CAVIN3: variants seen among roughly 807,000 people sequenced by gnomAD.
The protein encoded by CAVIN3 is caveolae-associated protein 3.
In CAVIN3, 11 loss-of-function variants were observed where a neutral mutation model predicts 8.2. That is an observed-to-expected ratio of 1.35 (90% CI 0.85 to 2.23). The LOEUF is 2.23. Ranked by LOEUF, CAVIN3 falls within the 30% of genes most tolerant of loss-of-function variation. The pLI is 0.00. For synonymous variants in CAVIN3, 191 were observed against 166.3 expected (o/e 1.15, Z -1.14); for missense variants, 401 against 359.5 (o/e 1.12, Z -0.93).
rs1846817793 is a variant in CAVIN3, at chr11:6,320,335, G to C, written c.142C>G (p.Arg48Gly). Residue 48 changes from arginine to glycine, a missense_variant, in exon 1 of 2, where the codon CGA (arginine) becomes GGA (glycine). Physicochemically the swap from Arg to Gly is moderately radical, Grantham distance 125. Transcript: ENST00000303927. ...TLRERQGGLA[R>G]RQGGLAGSVR... ...GACCCTGCCAGGCCTCCCTGCCTTC[G>C]AGCCAGGCCTCCCTGCCGCTCCCGC... is the stretch of plus-strand genomic sequence containing the variant. The C allele has an allele frequency of 6.4e-7, 1 of 1,566,500 alleles. No homozygotes were observed. The highest frequency in any genetic ancestry group is 8.6e-7 in the Non-Finnish European group (1 of 1,165,188).
chr11:6,320,416 G>T lies in CAVIN3; in HGVS notation c.61C>A (p.His21Asn). Residue 21 changes from histidine (H) to asparagine (N), a missense_variant, in exon 1 of 2, where the codon CAC (histidine) becomes AAC (asparagine). Transcript: ENST00000303927. ...AGCAGGGTCACCACCGTCACGGCGTGCACGGGACCCCCCGCCGGCGCCTCG... is the reference window on the plus strand; with the variant it reads ...AGCAGGGTCACCACCGTCACGGCGTTCACGGGACCCCCCGCCGGCGCCTCG... ...VPEAPAGGPV[H>N]AVTVVTLLEK... is the part of the protein sequence containing the mutation. The T allele has an allele frequency of 6.4e-7, 1 of 1,562,414 alleles. No homozygotes were observed.
Position 6,319,493 on chromosome 11 carries a change from C to G in CAVIN3, c.456G>C (p.Glu152Asp). The G allele has an allele frequency of 1.9e-6, 3 of 1,602,886 alleles. No individual in the cohort carries two copies. Among genetic ancestry groups the G allele is most frequent in the Non-Finnish European group, 2.5e-6 (3 of 1,177,562 alleles). ...PEPLGPADQS[E>D]LGPEQLEAEV... ...CGGCCTCCAGCTGCTCTGGGCCCAG[C>G]TCGGACTGGTCCGCCGGGCCCAAGG... is the stretch of plus-strand genomic sequence containing the variant. The change falls in exon 2 of 2, where the codon GAG becomes GAC. Residue 152 changes from glutamate (E) to aspartate (D), a missense_variant. Coordinates refer to ENST00000303927, the MANE Select transcript of CAVIN3 (RefSeq NM_145040.3).
intron 1 of CAVIN3, 82 bp downstream of exon 1, chr11:6,320,011 G>A: frequency 1.4e-6 from 2 of 1,407,404 alleles, no homozygotes; most frequent in South Asian, 1.4e-5. Context: ...GGTGTGGTAG[G>A]TGGATGGAAG....
At position 6,319,584 on chromosome 11, in the gene CAVIN3, C is replaced by A; in HGVS notation, c.385-20G>T. On this transcript the variant is annotated intron_variant, in intron 1 of 1. Coordinates refer to ENST00000303927, the MANE Select transcript of CAVIN3 (RefSeq NM_145040.3). ...CTCCTCCTGCATGTGACGGACACAG[C>A]ACTGATCCTGGCAGCTCCTTACCCC... The A allele has an allele frequency of 6.4e-7, 1 of 1,555,722 alleles. No individual in the cohort carries two copies. Among genetic ancestry groups the A allele is most frequent in the Admixed American group, 1.9e-5 (1 of 53,238 alleles).
chr11:6,320,115 T>G lies in CAVIN3; in HGVS notation c.362A>C (p.Lys121Thr), dbSNP rs764355494. 1 of 1,589,528 alleles carries G rather than the reference T, an allele frequency of 6.3e-7. No individual in the cohort carries two copies. Among genetic ancestry groups the G allele is most frequent in the Non-Finnish European group, 8.5e-7 (1 of 1,176,236 alleles). The change falls in exon 1 of 2, where the codon AAG (lysine) becomes ACG (threonine). Residue 121 changes from lysine to threonine, a missense_variant. By Grantham distance (78) the Lys-to-Thr change is moderately conservative (BLOSUM62 -1). Transcript: ENST00000303927. ...ANHGLLVARG[K>T]LHVLLFKEEG... ...GACCTTGAAGAGCAGAACGTGGAGC[T>G]TCCCGCGCGCCACCAGCAGCCCGTG...
At position 6,319,385 on chromosome 11, in the gene CAVIN3, G is replaced by A. The variant is rs754661198; in HGVS notation, c.564C>T (p.Ser188=). The change falls in exon 2 of 2, where the codon AGC becomes AGT. Residue 188 remains serine (S), a synonymous_variant. Transcript: ENST00000303927. ...TCCGGCCCGAAAGGGCCCTTCGGAG[G>A]CTCTGTACCTTCTGCAATCCGGTGC... ...LRRTGLQKVQ[S]LRRALSGRKG... The A allele has an allele frequency of 1.9e-6, 3 of 1,608,902 alleles. No homozygotes were observed. The highest frequency in any genetic ancestry group is 4.5e-5 in the East Asian group (2 of 44,858).
At chr11:6,319,913 G>C in intron 1 of CAVIN3, 180 bp downstream of exon 1, 3 of 755,050 alleles carry the variant, frequency 4.0e-6, no homozygotes, top group South Asian at 1.8e-5. Context: ...AGGCGTGAGA[G>C]GGAGGGATGG....
rs1846775678 is a variant in CAVIN3 at position 6,319,392 on chromosome 11, ACCTTCTGCAATC to A, written c.545_556del (p.Gly182_Lys185del). The stretch of plus-strand genomic sequence containing the variant: ...CGAAAGGGCCCTTCGGAGGCTCTGT[ACCTTCTGCAATC>A]CGGTGCGCCGCAGCCGCTGGGCCCT... On this transcript the variant is annotated inframe_deletion, in exon 2 of 2. Transcript: ENST00000303927. 6.2e-7 allele frequency: 1 copy of A among 1,610,130 alleles called. No homozygotes were observed. Among genetic ancestry groups the A allele is most frequent in the African/African-American group, 1.3e-5 (1 of 74,824 alleles).
chr11:6,320,221 C>G lies in CAVIN3; in HGVS notation c.256G>C (p.Glu86Gln). Reference sequence around the variant, plus strand: ...GCGTTGGCGTGCGAGCTCACGCGCTCCGCCTTGGCCAGCAGCTGCGCCAAG... The same window carrying G: ...GCGTTGGCGTGCGAGCTCACGCGCTGCGCCTTGGCCAGCAGCTGCGCCAAG... ...NTLAQLLAKA[E>Q]RVSSHANAAQ... is the part of the protein sequence containing the mutation. Residue 86 changes from glutamate (E) to glutamine (Q), a missense_variant, in exon 1 of 2, where the codon GAG becomes CAG. Glu to Gln is a conservative substitution (Grantham distance 29). Coordinates refer to ENST00000303927, the MANE Select transcript of CAVIN3 (RefSeq NM_145040.3). 6.4e-7 allele frequency: 1 copy of G among 1,563,410 alleles called. No individual in the cohort carries two copies. Among genetic ancestry groups the G allele is most frequent in the African/African-American group, 1.4e-5 (1 of 73,884 alleles).
Position 6,320,094 on chromosome 11 carries a change from T to G in CAVIN3, c.383A>C (p.Lys128Thr). The G allele has an allele frequency of 6.3e-7, 1 of 1,588,360 alleles. No homozygotes were observed. The highest frequency in any genetic ancestry group is 8.5e-7 in the Non-Finnish European group (1 of 1,175,648). The part of the protein sequence containing the change: ...ARGKLHVLLF[K>T]EEGEVPASAF... ...TGGGGACCGTTTGAGGTCACTGACC[T>G]TGAAGAGCAGAACGTGGAGCTTCCC... is the stretch of plus-strand genomic sequence containing the variant. The change falls in exon 1 of 2, where the codon AAG becomes ACG. Residue 128 changes from lysine (K) to threonine (T), a missense_variant and splice_region_variant. By Grantham distance (78) the Lys-to-Thr change is moderately conservative. Transcript: ENST00000303927.
At chr11:6,319,861 T>C in intron 1 of CAVIN3, 1 of 672,668 alleles carries the variant, frequency 1.5e-6, no homozygotes, top group Non-Finnish European at 2.5e-6. Context: ...GGACGTGGCC[T>C]GAGCTAGAGC....
At position 6,319,055 on chromosome 11, in the gene CAVIN3, C is replaced by T. The variant is rs2133932656; in HGVS notation, c.*108G>A. On this transcript the variant is annotated 3_prime_UTR_variant, in exon 2 of 2. Coordinates refer to ENST00000303927, the MANE Select transcript of CAVIN3 (RefSeq NM_145040.3). ...AAGGAAGGGAGGGCCAGAGCGCCCG[C>T]CTTGGTGGATGTAGGATTCGCTCCT... 1 of 1,228,332 alleles carries T rather than the reference C, an allele frequency of 8.1e-7. No individual in the cohort carries two copies. The highest frequency in any genetic ancestry group is 2.6e-5 in the East Asian group (1 of 39,036). 76.1% of individuals were successfully genotyped at this position (1,228,332 alleles called of 1,614,324 possible).
chr11:6,319,563 T>A lies in CAVIN3; in HGVS notation c.386A>T (p.Glu129Val). ...RGKLHVLLFK[E>V]EGEVPASAFQ... ...AGCGCTGGCTGGGACTTCACCCTCC[T>A]CCTGCATGTGACGGACACAGCACTG... Residue 129 changes from glutamate (E) to valine (V), a missense_variant and splice_region_variant, in exon 2 of 2, where the codon GAG becomes GTG. Coordinates refer to ENST00000303927, the MANE Select transcript of CAVIN3 (RefSeq NM_145040.3). The A allele has an allele frequency of 6.4e-7, 1 of 1,570,336 alleles. No individual in the cohort carries two copies. Among genetic ancestry groups the A allele is most frequent in the East Asian group, 2.3e-5 (1 of 43,120 alleles).
intron 1 of CAVIN3, 182 bp from the exon 2 acceptor site, chr11:6,319,746 G>A (rs1265310568): frequency 3.9e-6 from 3 of 760,238 alleles, no homozygotes; most frequent in Non-Finnish European, 6.8e-6. Context: ...TGTAAAGTAG[G>A]TGAGGCCTGG....
rs1051384454 is a variant in CAVIN3, at chr11:6,319,832, G to C, written c.384+261C>G. 35 of 663,136 alleles carry C rather than the reference G, an allele frequency of 5.3e-5. No homozygotes were observed. The African/African-American group carries it at 5.9e-4, about 11-fold the overall frequency. 41.1% of individuals were successfully genotyped at this position (663,136 alleles called of 1,614,324 possible). A position where few individuals can be genotyped will look rare whatever the true frequency, so the allele number is the denominator to read the frequency against. On this transcript the variant is annotated intron_variant, in intron 1 of 1. Coordinates refer to ENST00000303927, the MANE Select transcript of CAVIN3 (RefSeq NM_145040.3). Reference sequence around the variant, plus strand: ...CACCGTTATTTTAGGGATTGGCTGGGACTCAGACCAAATTCTGCGGACGTG... The same window carrying C: ...CACCGTTATTTTAGGGATTGGCTGGCACTCAGACCAAATTCTGCGGACGTG...
In CAVIN3 at chr11:6,320,363, A is replaced by C. The variant is rs190379115; in HGVS notation, c.114T>G (p.Thr38=). 4,055 of 1,585,264 alleles carry C rather than the reference A, an allele frequency of 2.6e-3. 92 individuals are homozygous for C. In the African/African-American group the frequency reaches 0.047, roughly 18 times the overall value. The change falls in exon 1 of 2, where the codon ACT becomes ACG. Residue 38 remains threonine (T), a synonymous_variant. Coordinates refer to ENST00000303927, the MANE Select transcript of CAVIN3 (RefSeq NM_145040.3). The part of the protein sequence containing the change: ...LLEKLASMLE[T]LRERQGGLAR... ...CCAGGCCTCCCTGCCGCTCCCGCAG[A>C]GTCTCCAGCATGGAGGCCAGCTTCT...
In CAVIN3 at chr11:6,319,172, A is replaced by C. The variant is rs368476656; in HGVS notation, c.777T>G (p.Ser259Arg). The C allele has an allele frequency of 2.8e-5, 42 of 1,527,272 alleles. No individual in the cohort carries two copies. The highest frequency in any genetic ancestry group is 3.4e-5 in the Non-Finnish European group (39 of 1,140,748). The allele number at this position is 1,527,272 out of a possible 1,614,324, so 94.6% of individuals were successfully genotyped here. Residue 259 changes from serine to arginine, a missense_variant, in exon 2 of 2, where the codon AGT becomes AGG. Ser to Arg is a moderately radical substitution (Grantham distance 110). Coordinates refer to ENST00000303927, the MANE Select transcript of CAVIN3 (RefSeq NM_145040.3). ...CAGGCAACACCAGCCCTCAGGCTAC[A>C]CTCTCCATTTGGAGCAGAGCTTCTT... ...AAEEALLQMESVA is the reference protein window; with the variant it reads ...AAEEALLQMERVA
intron 1 of CAVIN3, 96 bp downstream of exon 1, chr11:6,319,979 GGCGGGAGGGGTCAGGAAT>G (rs1564900386): frequency 1.7e-6 from 2 of 1,158,740 alleles, no homozygotes; most frequent in African/African-American, 3.1e-5. Context: ...AGCAACAGAC[GGCGGGAGGGGTCAGGAAT>G]GTGGGTGTGG....
chr11:6,320,433 G>C lies in CAVIN3; in HGVS notation c.44C>G (p.Pro15Arg), dbSNP rs920358437. ...ALERGPVPEA[P>R]AGGPVHAVTV... is the part of the protein sequence containing the mutation. ...CACGGCGTGCACGGGACCCCCCGCC[G>C]GCGCCTCGGGCACAGGCCCCCGCTC... The change falls in exon 1 of 2, where the codon CCG becomes CGG. Residue 15 changes from proline to arginine, a missense_variant. Pro to Arg is a moderately radical substitution (Grantham distance 103). Transcript: ENST00000303927. 2 of 1,548,018 alleles carry C rather than the reference G, an allele frequency of 1.3e-6. No individual in the cohort carries two copies. Among genetic ancestry groups the C allele is most frequent in the Non-Finnish European group, 1.7e-6 (2 of 1,154,334 alleles).
Sources: gnomAD v4.1 joint callset for allele counts on GRCh38, gnomAD v4.1.1 for gene constraint, MANE v1.5 for transcripts, NCBI Gene and HGNC (gene_info 2026-07-23, HGNC 2026-07-21) for gene names.